Variants in SNTG1 observed in about 807,000 individuals in gnomAD.
SNTG1 encodes the protein gamma-1-syntrophin.
SNTG1 carries 39 observed loss-of-function variants against 74.7 expected under a neutral mutation model. The ratio of observed to expected loss-of-function variants is 0.52; its 90% CI spans 0.40 to 0.68. The LOEUF (loss-of-function observed/expected upper bound fraction) is 0.68. SNTG1 is among the 30% of genes least tolerant of loss of function. The probability of loss-of-function intolerance (pLI) is 0.00; values close to 1 mark genes in which losing one functional copy is unlikely to be tolerated. For synonymous variants in SNTG1, 254 were observed against 217.1 expected, an observed-to-expected ratio of 1.17 and a Z score of -1.49; for missense variants, 685 against 609.5, an observed-to-expected ratio of 1.12 and a Z score of -1.30.
chr8:50,518,050 T>A, intron 9 of SNTG1, among the ~76,000 whole-genome samples: 1 of 152,106 alleles, frequency 6.6e-6, no homozygotes, highest in Non-Finnish European at 1.5e-5. Flanking sequence ...GACCACACAA[T>A]TGGAAGTAAA....
intron 2 of SNTG1, among the ~76,000 whole-genome samples, chr8:50,361,004 T>C (rs1477385328): frequency 6.6e-6 from 1 of 152,232 alleles, no homozygotes; most frequent in Non-Finnish European, 1.5e-5. Flanking sequence ...AAACTTTTAA[T>C]GATTTGCTGT....
chr8:50,174,847 GC>G (rs1759671869), intron 2 of SNTG1, among the ~76,000 whole-genome samples: 1 of 149,582 alleles, frequency 6.7e-6, no homozygotes, highest in Non-Finnish European at 1.5e-5. Context: ...ATCTCGTAAT[GC>G]TATCCCTCCC....
intron 9 of SNTG1, among the ~76,000 whole-genome samples, chr8:50,520,279 C>T (rs993432296): frequency 9.2e-5 from 14 of 152,118 alleles, no homozygotes; most frequent in Admixed American, 2.6e-4. Flanking sequence ...ACACCTTATA[C>T]AAAAAATAAC....
At chr8:50,239,824 G>C (rs1235141214) in intron 2 of SNTG1, among the ~76,000 whole-genome samples, 1 of 152,132 alleles carries the variant, frequency 6.6e-6, no homozygotes, top group African/African-American at 2.4e-5. Context: ...CAGGGATCAG[G>C]GGAGAGTTAA....
intron 2 of SNTG1, among the ~76,000 whole-genome samples, chr8:50,218,491 CTA>C (rs564279674): frequency 6.6e-6 from 1 of 151,756 alleles, no homozygotes; most frequent in South Asian, 2.1e-4. Context: ...ATAAAAATAA[CTA>C]TTTTTCTTAA....
intron 2 of SNTG1, among the ~76,000 whole-genome samples, chr8:50,246,294 A>G (rs550600094): frequency 6.6e-6 from 1 of 152,140 alleles, no homozygotes; most frequent in South Asian, 2.1e-4. Context: ...GGGGACATCA[A>G]AAAGTGTGTG....
intron 12 of SNTG1, among the ~76,000 whole-genome samples, chr8:50,577,757 G>A (rs1254992587): frequency 6.6e-6 from 1 of 152,094 alleles, no homozygotes; most frequent in Non-Finnish European, 1.5e-5. Context: ...CATTATTGTT[G>A]CACTGCTGTT....
intron 12 of SNTG1, among the ~76,000 whole-genome samples, chr8:50,565,046 G>T (rs149022160): frequency 1.3e-5 from 2 of 151,912 alleles, no homozygotes; most frequent in Non-Finnish European, 2.9e-5. Flanking sequence ...AACAAAAATG[G>T]CCCTTTGCCT....
At chr8:50,290,498 T>G (rs1416487256) in intron 2 of SNTG1, among the ~76,000 whole-genome samples, 2 of 152,196 alleles carry the variant, frequency 1.3e-5, no homozygotes, top group African/African-American at 2.4e-5. Context: ...TCCTGGGGTT[T>G]AAGGAAAGTC....
At chr8:50,696,516 C>T (rs1335857675) in intron 15 of SNTG1, among the ~76,000 whole-genome samples, 1 of 151,926 alleles carries the variant, frequency 6.6e-6, no homozygotes, top group Non-Finnish European at 1.5e-5. Flanking sequence ...AAAATCTTTG[C>T]CTAGGCCAAT....
intron 12 of SNTG1, among the ~76,000 whole-genome samples, chr8:50,569,756 A>T (rs2094536633): frequency 6.6e-6 from 1 of 152,094 alleles, no homozygotes; most frequent in Admixed American, 6.6e-5. Context: ...ATAGCCGCTG[A>T]CATTTCTGAG....
chr8:50,750,995 T>A lies in SNTG1; in HGVS notation c.1285-1006T>A, dbSNP rs189237627. On this transcript the variant is annotated intron_variant, in intron 17 of 18. Coordinates refer to ENST00000642720, the MANE Select transcript of SNTG1 (RefSeq NM_018967.5). ...CATATACTCTGTTCTTTCTTTACTA[T>A]TTTATCAGCAACAATAGCTTAAATA... Among the ~76,000 whole-genome samples, 9 of 152,198 alleles carry A rather than the reference T, an allele frequency of 5.9e-5. No individual in the cohort carries two copies. In the East Asian group the frequency reaches 1.6e-3, roughly 26 times the overall value.
At chr8:50,308,201 A>T (rs970424528) in intron 2 of SNTG1, among the ~76,000 whole-genome samples, 5 of 150,712 alleles carry the variant, frequency 3.3e-5, no homozygotes, top group African/African-American at 9.8e-5. Flanking sequence ...GACCCCTTTC[A>T]CTCTGGTATT....
chr8:50,698,449 C>T (rs910420351), intron 15 of SNTG1, among the ~76,000 whole-genome samples: 5 of 152,094 alleles, frequency 3.3e-5, no homozygotes, highest in African/African-American at 9.7e-5. Flanking sequence ...ACTATGCCTC[C>T]CAAACAAATC....
intron 11 of SNTG1, among the ~76,000 whole-genome samples, chr8:50,551,165 C>A (rs2094423619): frequency 6.6e-6 from 1 of 151,934 alleles, no homozygotes; most frequent in Admixed American, 6.6e-5. Context: ...AATGGAGGCC[C>A]CAGATAACTG....
intron 2 of SNTG1, among the ~76,000 whole-genome samples, chr8:50,336,782 C>G (rs116856328): frequency 6.6e-6 from 1 of 152,052 alleles, no homozygotes; most frequent in Admixed American, 6.6e-5. Context: ...TTGCTGTGTG[C>G]TAGGCATGAG....
At chr8:50,743,482 C>T (rs1353056840) in intron 17 of SNTG1, among the ~76,000 whole-genome samples, 1 of 151,526 alleles carries the variant, frequency 6.6e-6, no homozygotes, top group Admixed American at 6.6e-5. Context: ...ACTTAATAAA[C>T]TAGGAATAGA....
chr8:50,757,755 T>C (rs1585719857), intron 18 of SNTG1, among the ~76,000 whole-genome samples: 1 of 151,986 alleles, frequency 6.6e-6, no homozygotes, highest in African/African-American at 2.4e-5. Context: ...TTTATTCTTA[T>C]TTTAGTCTTC....
intron 8 of SNTG1, among the ~76,000 whole-genome samples, chr8:50,450,955 T>C (rs2093451424): frequency 6.6e-6 from 1 of 152,192 alleles, no homozygotes; most frequent in Non-Finnish European, 1.5e-5. Context: ...GATGGTCATT[T>C]TCTATGTTTT....
Sources: allele counts gnomAD v4.1 joint callset (sites outside exome capture counted in the v4.1 genomes callset), GRCh38; gene constraint gnomAD v4.1.1; transcripts MANE v1.5; gene names NCBI Gene and HGNC (gene_info 2026-07-23, HGNC 2026-07-21).